The following PCNT variants were observed in gnomAD, a reference collection of about 807,000 sequenced individuals.
PCNT encodes the protein kendrin.
In PCNT, 319 loss-of-function variants were observed where a neutral mutation model predicts 380.4. The ratio of observed to expected loss-of-function variants is 0.84; its 90% CI spans 0.77 to 0.92. PCNT has a LOEUF of 0.92. PCNT is among the 40% of genes least tolerant of loss of function. The pLI is 0.00. For missense variants in PCNT, 4,400 were observed against 4,255.3 expected (o/e 1.03, Z -0.95); for synonymous variants, 1,845 against 1,735.2 (o/e 1.06, Z -1.57).
At chr21:46,386,212 A>G (rs1601921576) in intron 17 of PCNT, among the ~76,000 whole-genome samples, 1 of 151,298 alleles carries the variant, frequency 6.6e-6, no homozygotes, top group African/African-American at 2.4e-5. Context: ...CCCTCCTCCC[A>G]CCCTGCCTGC....
In PCNT at chr21:46,385,956, C is replaced by G; in HGVS notation, c.3437C>G (p.Ala1146Gly). 6.2e-7 allele frequency: 1 copy of G among 1,614,194 alleles called. No individual in the cohort carries two copies. Among genetic ancestry groups the G allele is most frequent in the South Asian group, 1.1e-5 (1 of 91,088 alleles). The change falls in exon 17 of 47, where the codon GCC (alanine) becomes GGC (glycine). Residue 1146 changes from alanine (A) to glycine (G), a missense_variant. Coordinates refer to ENST00000359568, the MANE Select transcript of PCNT (RefSeq NM_006031.6). ...EGANLLSMLKADVNLSHSERG... is the reference protein window; with the variant it reads ...EGANLLSMLKGDVNLSHSERG... ...GCAAACCTCCTCTCCATGCTCAAGG[C>G]CGACGTCAACCTGTCCCACAGCGAA...
intron 19 of PCNT, among the ~76,000 whole-genome samples, chr21:46,390,203 C>T (rs142610303): frequency 1.3e-4 from 19 of 151,802 alleles, no homozygotes; most frequent in Non-Finnish European, 2.4e-4. Context: ...GTCCCAGCTC[C>T]TCAGGAGGCT....
chr21:46,355,383 T>G, intron 11 of PCNT, 69 bp from the exon 12 acceptor site: 51 of 1,505,442 alleles, frequency 3.4e-5, no homozygotes, highest in Non-Finnish European at 4.2e-5. Flanking sequence ...GAAACACCTT[T>G]GAGGGTTATA....
In PCNT at chr21:46,411,636, C is replaced by G; in HGVS notation, c.5563C>G (p.Arg1855Gly). 3 of 1,612,992 alleles carry G rather than the reference C, an allele frequency of 1.9e-6. No homozygotes were observed. Among genetic ancestry groups the G allele is most frequent in the Non-Finnish European group, 2.5e-6 (3 of 1,179,830 alleles). The change falls in exon 28 of 47, where the codon CGG becomes GGG. Residue 1855 changes from arginine to glycine, a missense_variant. Transcript: ENST00000359568. ...GGCTGAGGTCGAAGACATGGCCTCCCGGATCCAGGAGTTCGAAGCGGCCCT... is the reference window on the plus strand; with the variant it reads ...GGCTGAGGTCGAAGACATGGCCTCCGGGATCCAGGAGTTCGAAGCGGCCCT... Reference protein sequence around the residue: ...REAEVEDMASRIQEFEAALKA... With the variant: ...REAEVEDMASGIQEFEAALKA...
Position 46,329,078 on chromosome 21 carries a change from T to C in PCNT, c.267+2489T>C, listed in dbSNP as rs555926975. The stretch of plus-strand genomic sequence containing the variant: ...CGTGAGCCACTGTGCCTGGCCTGCA[T>C]AGACGTTTTAAAAGTAGTAAGCTGA... On this transcript the variant is annotated intron_variant, in intron 2 of 46. Coordinates refer to ENST00000359568, the MANE Select transcript of PCNT (RefSeq NM_006031.6). 3.9e-5 allele frequency among the ~76,000 whole-genome samples: 6 copies of C among 152,330 alleles called. No homozygotes were observed. The East Asian group carries it at 5.8e-4, about 15-fold the overall frequency.
intron 10 of PCNT, among the ~76,000 whole-genome samples, chr21:46,353,668 C>G (rs1426812764): frequency 6.6e-6 from 1 of 151,122 alleles, no homozygotes; most frequent in African/African-American, 2.4e-5. Context: ...CAGGGGCGCT[C>G]TCCTCCAGGC....
At position 46,352,941 on chromosome 21, in the gene PCNT, G is replaced by A. The variant is rs74776962; in HGVS notation, c.1457-163G>A. Among the ~76,000 whole-genome samples the A allele has an allele frequency of 0.041, 6,194 of 152,302 alleles. 191 individuals carry two copies. Among genetic ancestry groups the A allele is most frequent in the Non-Finnish European group, 0.061 (4,179 of 68,030 alleles). On this transcript the variant is annotated intron_variant, in intron 9 of 46. Coordinates refer to ENST00000359568, the MANE Select transcript of PCNT (RefSeq NM_006031.6). ...GAGAGAGCTCTCCACATTCAGGGGC[G>A]TACGAGAGTCTAAGCCGTAGGGGTC...
At chr21:46,354,186 G>T in intron 11 of PCNT, 118 bp downstream of exon 11, 3 of 917,828 alleles carry the variant, frequency 3.3e-6, no homozygotes, top group Non-Finnish European at 5.3e-6. Flanking sequence ...GGGGAGGAAG[G>T]CTGCTTGCGG....
Position 46,388,533 on chromosome 21 carries a change from G to C in PCNT, c.3465-209G>C, listed in dbSNP as rs978712828. ...GAAGACCTCACCTAGGAAAGCCCGT[G>C]TCCCTGAGTGGGCTCCACGTGGTTG... On this transcript the variant is annotated intron_variant, in intron 17 of 46. Coordinates refer to ENST00000359568, the MANE Select transcript of PCNT (RefSeq NM_006031.6). The surrounding 1 kb of genome is among the most constrained non-coding windows in gnomAD (Gnocchi z 4.2). Among the ~76,000 whole-genome samples, 1 of 152,242 alleles carries C rather than the reference G, an allele frequency of 6.6e-6. No homozygotes were observed. The highest frequency in any genetic ancestry group is 1.5e-5 in the Non-Finnish European group (1 of 68,036).
At chr21:46,326,275 G>A (rs1408301351) in intron 1 of PCNT, 102 bp from the exon 2 acceptor site, 2 of 1,056,620 alleles carry the variant, frequency 1.9e-6, no homozygotes, top group African/African-American at 3.1e-5. Context: ...GACTGGGTCA[G>A]CCCTCGGGCC....
rs138932731 is a variant in PCNT, at chr21:46,389,029, G to A, written c.3607+145G>A. ...CCTGCTAGTTTCCGCACTTACAGAA[G>A]GCCGAGACCGGGGTTTGGGCTAAAT... On this transcript the variant is annotated intron_variant, in intron 18 of 46. Coordinates refer to ENST00000359568, the MANE Select transcript of PCNT (RefSeq NM_006031.6). The A allele has an allele frequency of 8.9e-5, 123 of 1,381,980 alleles. No individual in the cohort carries two copies. The African/African-American group carries it at 1.5e-3, about 17-fold the overall frequency. The allele number at this position is 1,381,980 out of a possible 1,614,324, so 85.6% of individuals were successfully genotyped here.
At position 46,442,664 on chromosome 21, in the gene PCNT, A is replaced by G. The variant is rs1038827506; in HGVS notation, c.9700+91A>G. On this transcript the variant is annotated intron_variant, in intron 44 of 46. Transcript: ENST00000359568. ...CACTTTGGGTCATTTTTCAGTGTTG[A>G]TGGGGACGTAATAAAGCACGGTAAG... 12 of 841,180 alleles carry G rather than the reference A, an allele frequency of 1.4e-5. No individual in the cohort carries two copies. The African/African-American group carries it at 1.7e-4, about 12-fold the overall frequency. 52.1% of individuals were successfully genotyped at this position (841,180 alleles called of 1,614,324 possible).
rs772027410 is a variant in PCNT at position 46,428,387 on chromosome 21, G to T, written c.7495-8G>T. 1.9e-6 allele frequency: 3 copies of T among 1,611,214 alleles called. No individual in the cohort carries two copies. Among genetic ancestry groups the T allele is most frequent in the East Asian group, 2.2e-5 (1 of 44,862 alleles). On this transcript the variant is annotated splice_polypyrimidine_tract_variant and splice_region_variant and intron_variant, in intron 34 of 46. Coordinates refer to ENST00000359568, the MANE Select transcript of PCNT (RefSeq NM_006031.6). ...ATGCTCAGGCTGCTTGTCCCATTGT[G>T]CCCCCAGGGAGACCTGCAGGAAAAG...
At chr21:46,325,123 A>G (rs2083331099) in intron 1 of PCNT, 2 of 985,392 alleles carry the variant, frequency 2.0e-6, no homozygotes, top group East Asian at 1.1e-4. Flanking sequence ...GTGGGAATAA[A>G]GCGCGCAGAG....
intron 15 of PCNT, among the ~76,000 whole-genome samples, chr21:46,381,204 G>C (rs976055997): frequency 5.0e-4 from 13 of 26,250 alleles, no homozygotes; most frequent in African/African-American, 1.9e-3. Flanking sequence ...CTCTGTGTGT[G>C]TGTGTGTGTG....
chr21:46,427,521 C>A, intron 33 of PCNT, 101 bp from the exon 34 acceptor site: 1 of 1,345,158 alleles, frequency 7.4e-7, no homozygotes, highest in Non-Finnish European at 1.1e-6. Flanking sequence ...TGAATCACCT[C>A]CCGCAGGCCC....
At chr21:46,379,819 G>A (rs35449415) in intron 15 of PCNT, among the ~76,000 whole-genome samples, 55 of 152,092 alleles carry the variant, frequency 3.6e-4, no homozygotes, top group Middle Eastern at 3.2e-3. Context: ...AGGGCCCTGC[G>A]TGCATTGTGC....
At chr21:46,426,639 C>T (rs2087519345) in intron 33 of PCNT, among the ~76,000 whole-genome samples, 1 of 152,188 alleles carries the variant, frequency 6.6e-6, no homozygotes, top group South Asian at 2.1e-4. Flanking sequence ...TGGGTCTCTC[C>T]TACCTCCCCC....
In PCNT at chr21:46,391,390, G is replaced by T; in HGVS notation, c.4216+14G>T. The stretch of plus-strand genomic sequence containing the variant: ...CCAGAGAAGCTGGTAAGGAGCGCGG[G>T]CTGTGGAGGGTGGTGCGAGCTGTGG... On this transcript the variant is annotated intron_variant, in intron 21 of 46. Coordinates refer to ENST00000359568, the MANE Select transcript of PCNT (RefSeq NM_006031.6). The T allele has an allele frequency of 6.5e-7, 1 of 1,543,344 alleles. No homozygotes were observed. The highest frequency in any genetic ancestry group is 2.5e-5 in the East Asian group (1 of 40,794).
Sources: gnomAD v4.1 joint callset for allele counts (sites outside exome capture counted in the v4.1 genomes callset) on GRCh38, gnomAD v4.1.1 for gene constraint, Gnocchi (gnomAD v3.1) non-coding constraint, MANE v1.5 for transcripts, NCBI Gene and HGNC (gene_info 2026-07-23, HGNC 2026-07-21) for gene names.